Variants in PROS1 observed in about 807,000 individuals in gnomAD.
PROS1 encodes the protein protein S, also known as vitamin K-dependent protein S.
A neutral mutation model predicts 75.9 loss-of-function variants in PROS1; 29 were observed. The observed-to-expected ratio is 0.38, with a 90% confidence interval of 0.28 to 0.52. The LOEUF is 0.52. Ranked by LOEUF, PROS1 falls within the 20% of genes least tolerant of loss-of-function variation. PROS1 has a pLI of 0.83. For synonymous variants in PROS1, 245 were observed against 280.6 expected, an observed-to-expected ratio of 0.87 and a Z score of 1.27; for missense variants, 680 against 810.3, an observed-to-expected ratio of 0.84 and a Z score of 1.95.
chr3:93,968,305 T>C (rs192018240), intron 1 of PROS1, among the ~76,000 whole-genome samples: 1 of 152,030 alleles, frequency 6.6e-6, no homozygotes, highest in Non-Finnish European at 1.5e-5. Context: ...GACAGACATG[T>C]ACAGAGGGAA....
chr3:93,886,647 T>C (rs1559930176), intron 10 of PROS1, 144 bp from the exon 11 acceptor site: 4 of 702,970 alleles, frequency 5.7e-6, no homozygotes, highest in Non-Finnish European at 4.7e-6. Context: ...TTGTTACAAC[T>C]CATTTGGAAT....
intron 3 of PROS1, among the ~76,000 whole-genome samples, chr3:93,915,309 T>C (rs1708828056): frequency 6.6e-6 from 1 of 151,990 alleles, no homozygotes; most frequent in Non-Finnish European, 1.5e-5. Context: ...CTACTAAAAA[T>C]ACAAAAATTA....
At chr3:93,937,726 G>C (rs1460222603) in intron 1 of PROS1, among the ~76,000 whole-genome samples, 2 of 152,100 alleles carry the variant, frequency 1.3e-5, no homozygotes, top group Non-Finnish European at 2.9e-5. Context: ...TTTTGGGCCT[G>C]GCGCTGGGCT....
chr3:93,889,332 G>T (rs1708395080), intron 10 of PROS1, among the ~76,000 whole-genome samples: 1 of 151,856 alleles, frequency 6.6e-6, no homozygotes, highest in South Asian at 2.1e-4. Context: ...ATTTGCTGTT[G>T]TATCTTTACC....
intron 6 of PROS1, among the ~76,000 whole-genome samples, chr3:93,901,973 C>T (rs1166637854): frequency 1.3e-5 from 2 of 152,142 alleles, no homozygotes; most frequent in African/African-American, 4.8e-5. Flanking sequence ...ATAAAGTAAG[C>T]CTGAGCAACA....
At chr3:93,884,617 G>A (rs1405180328) in intron 12 of PROS1, 111 bp downstream of exon 12, 2 of 1,235,688 alleles carry the variant, frequency 1.6e-6, no homozygotes, top group Non-Finnish European at 2.3e-6. Flanking sequence ...TAAGACTAGA[G>A]TGGGCACACA....
At chr3:93,948,267 C>T (rs1709437139) in intron 1 of PROS1, among the ~76,000 whole-genome samples, 1 of 151,362 alleles carries the variant, frequency 6.6e-6, no homozygotes, top group African/African-American at 2.4e-5. Context: ...TTGAGAGGCT[C>T]TGCCATCCAT....
rs752049146 is a variant in PROS1 at position 93,909,433 on chromosome 3, T to TAA, written c.346+1184_346+1185dup. 3.9e-3 allele frequency among the ~76,000 whole-genome samples: 308 copies of TAA among 79,816 alleles called. 3 individuals are homozygous for TAA. Among genetic ancestry groups the TAA allele is most frequent in the African/African-American group, 0.012 (259 of 22,084 alleles). The allele number at this position is 79,816 out of a possible 152,430, so 52.4% of individuals were successfully genotyped here. A position where few individuals can be genotyped will look rare whatever the true frequency, so the allele number is the denominator to read the frequency against. ...CTGGGCAACAAAGCAAGAGCTTGTC[T>TAA]AAAAAAAAAAAAAAAAAAAAAACGT... On this transcript the variant is annotated intron_variant, in intron 4 of 14. Coordinates refer to ENST00000394236, the MANE Select transcript of PROS1 (RefSeq NM_000313.4).
chr3:93,878,086 G>C (rs189599158), intron 13 of PROS1, among the ~76,000 whole-genome samples: 47 of 152,240 alleles, frequency 3.1e-4, no homozygotes, highest in African/African-American at 1.1e-3. Flanking sequence ...AATCTGACAT[G>C]CAAAGAAAGA....
intron 1 of PROS1, among the ~76,000 whole-genome samples, chr3:93,930,586 T>A (rs1218749565): frequency 1.3e-5 from 2 of 152,170 alleles, no homozygotes; most frequent in African/African-American, 2.4e-5. Flanking sequence ...GAACATCTCT[T>A]TCCCCGTATG....
chr3:93,925,469 A>G (rs1262823861), intron 2 of PROS1, among the ~76,000 whole-genome samples: 4 of 151,842 alleles, frequency 2.6e-5, no homozygotes, highest in Non-Finnish European at 4.4e-5. Context: ...GGATGTGGAC[A>G]GGGAGTGGTT....
chr3:93,896,758 T>C, intron 8 of PROS1, 67 bp from the exon 9 acceptor site: 1 of 1,161,356 alleles, frequency 8.6e-7, no homozygotes. Context: ...TTAATGTTTG[T>C]GTGAGGTCAT....
At chr3:93,935,710 G>T (rs1203573905) in intron 1 of PROS1, among the ~76,000 whole-genome samples, 6 of 152,060 alleles carry the variant, frequency 3.9e-5, no homozygotes, top group African/African-American at 2.4e-5. Context: ...TTGCAAGTGA[G>T]ATTACTTGGA....
chr3:93,973,361 C>T (rs943070878), intron 1 of PROS1, among the ~76,000 whole-genome samples: 1 of 152,154 alleles, frequency 6.6e-6, no homozygotes, highest in African/African-American at 2.4e-5. Context: ...CATCCTAGTT[C>T]TCTGACTGGG....
At chr3:93,961,775 G>A (rs192528566) in intron 1 of PROS1, among the ~76,000 whole-genome samples, 1 of 152,358 alleles carries the variant, frequency 6.6e-6, no homozygotes, top group Admixed American at 6.5e-5. Context: ...AGGGCTGCCA[G>A]CTTCCGTTCT....
At chr3:93,971,777 C>T (rs1453781860) in intron 1 of PROS1, among the ~76,000 whole-genome samples, 2 of 151,902 alleles carry the variant, frequency 1.3e-5, no homozygotes, top group Non-Finnish European at 2.9e-5. Context: ...GCACTCCAGC[C>T]TTAGTGACAG....
At chr3:93,939,243 G>T (rs545243975) in intron 1 of PROS1, among the ~76,000 whole-genome samples, 1 of 152,080 alleles carries the variant, frequency 6.6e-6, no homozygotes, top group Admixed American at 6.6e-5. Flanking sequence ...AATGGTCTGA[G>T]GTGCCTGACG....
chr3:93,880,110 G>A (rs1045055170), intron 12 of PROS1, among the ~76,000 whole-genome samples: 3 of 152,196 alleles, frequency 2.0e-5, no homozygotes, highest in Non-Finnish European at 4.4e-5. Context: ...GCCCTTGAAA[G>A]GGTAAATGTG....
At position 93,956,236 on chromosome 3, in the gene PROS1, T is replaced by C. The variant is rs146136338; in HGVS notation, c.76+17438A>G. Among the ~76,000 whole-genome samples the C allele has an allele frequency of 7.7e-3, 1,178 of 152,300 alleles. 10 individuals carry two copies. The highest frequency in any genetic ancestry group is 0.014 in the Non-Finnish European group (949 of 68,010). ...TTATGGGAAACTTTTGGTTATACTC[T>C]AGAAAGAATAATAATTTAACTCATC... is the stretch of plus-strand genomic sequence containing the variant. On this transcript the variant is annotated intron_variant, in intron 1 of 14. Coordinates refer to ENST00000394236, the MANE Select transcript of PROS1 (RefSeq NM_000313.4).
Sources: allele counts gnomAD v4.1 joint callset (sites outside exome capture counted in the v4.1 genomes callset), GRCh38; gene constraint gnomAD v4.1.1; transcripts MANE v1.5; gene names NCBI Gene and HGNC (gene_info 2026-07-23, HGNC 2026-07-21).